CHODL: variants seen among roughly 807,000 people sequenced by gnomAD.
CHODL encodes the protein transmembrane protein MT75.
In CHODL, 29 loss-of-function variants were observed where a neutral mutation model predicts 34.5. The ratio of observed to expected loss-of-function variants is 0.84; its 90% CI spans 0.63 to 1.15. The LOEUF is 1.15. CHODL is among the 50% of genes most tolerant of loss of function. The pLI is 0.00. For missense variants in CHODL, 332 were observed against 332.5 expected (o/e 1.00, Z 0.01); for synonymous variants, 125 against 116.1 (o/e 1.08, Z -0.49).
intron 2 of CHODL, among the ~76,000 whole-genome samples, chr21:18,166,115 C>T (rs2073149967): frequency 6.6e-6 from 1 of 152,122 alleles, no homozygotes; most frequent in African/African-American, 2.4e-5. Flanking sequence ...TTTAAGCTCT[C>T]ATGATTAGTG....
chr21:18,044,568 A>G (rs1190468200), intron 2 of CHODL, among the ~76,000 whole-genome samples: 1 of 151,962 alleles, frequency 6.6e-6, no homozygotes, highest in African/African-American at 2.4e-5. Flanking sequence ...AGAGCATTCT[A>G]TATCATTCTC....
At chr21:18,056,174 G>A (rs2064577424) in intron 2 of CHODL, among the ~76,000 whole-genome samples, 2 of 151,944 alleles carry the variant, frequency 1.3e-5, no homozygotes, top group African/African-American at 2.4e-5. Flanking sequence ...ATCATTTGGA[G>A]GGATGTAGAA....
At chr21:18,174,157 A>ATATG (rs1368712806) in intron 2 of CHODL, among the ~76,000 whole-genome samples, 1,362 of 88,168 alleles carry the variant, frequency 0.015, 87 homozygotes, top group East Asian at 0.032. Flanking sequence ...ATATATATAT[A>ATATG]TATAAAATCA....
intron 2 of CHODL, among the ~76,000 whole-genome samples, chr21:18,136,011 A>T (rs2072718015): frequency 6.6e-6 from 1 of 151,170 alleles, no homozygotes; most frequent in African/African-American, 2.4e-5. Context: ...GGAGGCTGAG[A>T]CAGAAGAATC....
chr21:18,066,243 C>T (rs770070418), intron 2 of CHODL, among the ~76,000 whole-genome samples: 23 of 152,066 alleles, frequency 1.5e-4, no homozygotes, highest in Non-Finnish European at 3.1e-4. Flanking sequence ...AAATAAGGAA[C>T]ATTTCTTTTC....
intron 2 of CHODL, among the ~76,000 whole-genome samples, chr21:18,140,409 A>G (rs1362324148): frequency 1.3e-5 from 2 of 152,212 alleles, no homozygotes; most frequent in Admixed American, 6.5e-5. Flanking sequence ...AACAGGTCTA[A>G]TGGACCACTG....
chr21:18,193,334 G>A (rs1023063671), intron 2 of CHODL, among the ~76,000 whole-genome samples: 3 of 152,076 alleles, frequency 2.0e-5, no homozygotes, highest in Non-Finnish European at 4.4e-5. Flanking sequence ...ATTTGAGAAA[G>A]GCTGATCTAG....
chr21:18,265,215 A>ATGTGTATATATATATG (rs1176773221), intron 5 of CHODL, among the ~76,000 whole-genome samples: 2 of 133,144 alleles, frequency 1.5e-5, no homozygotes, highest in Non-Finnish European at 3.1e-5. Context: ...ACATATATGT[A>ATGTGTATATATATATG]TGTGTATATA....
At chr21:18,006,219 A>G (rs1196466659) in intron 1 of CHODL, among the ~76,000 whole-genome samples, 1 of 152,106 alleles carries the variant, frequency 6.6e-6, no homozygotes, top group East Asian at 1.9e-4. Context: ...AGCCTAGTGT[A>G]TGTCTTTATC....
At chr21:18,059,227 G>A (rs539144702) in intron 2 of CHODL, among the ~76,000 whole-genome samples, 18 of 152,234 alleles carry the variant, frequency 1.2e-4, no homozygotes, top group South Asian at 8.3e-4. Context: ...ACATGAAAGC[G>A]GCCATCTACA....
chr21:18,098,791 A>C (rs908558641), intron 2 of CHODL, among the ~76,000 whole-genome samples: 8 of 152,132 alleles, frequency 5.3e-5, no homozygotes, highest in African/African-American at 1.9e-4. Flanking sequence ...TTGTTACAGC[A>C]CTGCTCACAG....
intron 2 of CHODL, among the ~76,000 whole-genome samples, chr21:18,093,516 AACT>A (rs2065099791): frequency 1.3e-5 from 2 of 152,178 alleles, no homozygotes; most frequent in Non-Finnish European, 2.9e-5. Context: ...CAAAAAGAAT[AACT>A]ACAACACATT....
chr21:18,221,908 T>C (rs1419974168), intron 2 of CHODL, among the ~76,000 whole-genome samples: 1 of 152,192 alleles, frequency 6.6e-6, no homozygotes, highest in Non-Finnish European at 1.5e-5. Context: ...ACTGGTAGTG[T>C]CAATGAATGG....
At chr21:18,171,424 G>C (rs1234503432) in intron 2 of CHODL, among the ~76,000 whole-genome samples, 2 of 150,350 alleles carry the variant, frequency 1.3e-5, no homozygotes, top group East Asian at 3.9e-4. Context: ...AGCCAGGATG[G>C]TCTCGATCTC....
At chr21:18,092,978 G>A (rs1282012760) in intron 2 of CHODL, among the ~76,000 whole-genome samples, 1 of 152,092 alleles carries the variant, frequency 6.6e-6, no homozygotes, top group Non-Finnish European at 1.5e-5. Flanking sequence ...CAACATTCAA[G>A]TACGAGAAGG....
At position 18,210,612 on chromosome 21, in the gene CHODL, C is replaced by T. The variant is rs183784915; in HGVS notation, c.-44-45897C>T. Among the ~76,000 whole-genome samples the T allele has an allele frequency of 3.5e-4, 53 of 152,280 alleles. 1 individual carries two copies. The highest frequency in any genetic ancestry group is 2.9e-3 in the Admixed American group (45 of 15,300). ...ACTCTGACTCCTCTTTTCGCATCTC[C>T]AGTAGACCCATCCAGTCCAATCCAT... On this transcript the variant is annotated intron_variant, in intron 2 of 6. Transcript: ENST00000400127.
intron 2 of CHODL, among the ~76,000 whole-genome samples, chr21:18,091,195 G>A (rs1438493613): frequency 6.6e-6 from 1 of 152,186 alleles, no homozygotes; most frequent in Non-Finnish European, 1.5e-5. Context: ...CCCAGCAATT[G>A]GAACTTCAGT....
Position 18,204,910 on chromosome 21 carries a change from G to A in CHODL, c.-44-51599G>A, listed in dbSNP as rs527503017. ...AAAACTATTTTTCTGGGATCATAACGAGCCTGTAATTTTTAGAAAGAAAAC... is the reference window on the plus strand; with the variant it reads ...AAAACTATTTTTCTGGGATCATAACAAGCCTGTAATTTTTAGAAAGAAAAC... On this transcript the variant is annotated intron_variant, in intron 2 of 6. Transcript: ENST00000400127. 2.5e-4 allele frequency among the ~76,000 whole-genome samples: 38 copies of A among 152,160 alleles called. No homozygotes were observed. The South Asian group carries it at 6.2e-3, about 25-fold the overall frequency.
intron 2 of CHODL, among the ~76,000 whole-genome samples, chr21:18,215,629 G>A (rs2073819877): frequency 6.6e-6 from 1 of 152,110 alleles, no homozygotes; most frequent in South Asian, 2.1e-4. Flanking sequence ...CTTATATTTA[G>A]CATATTTAGC....
Sources: allele counts gnomAD v4.1 joint callset (sites outside exome capture counted in the v4.1 genomes callset), GRCh38; gene constraint gnomAD v4.1.1; transcripts MANE v1.5; gene names NCBI Gene and HGNC (gene_info 2026-07-23, HGNC 2026-07-21).